Variants in GTF3C6 observed in about 807,000 individuals in gnomAD.
GTF3C6 encodes the protein general transcription factor 3C polypeptide 6.
Under a neutral mutation model 19.2 loss-of-function variants are expected in GTF3C6, and 11 were observed. The observed-to-expected ratio is 0.57, with a 90% CI of 0.36 to 0.95. The LOEUF (loss-of-function observed/expected upper bound fraction) is 0.95. Ranked by LOEUF, GTF3C6 falls within the 40% of genes least tolerant of loss-of-function variation. The probability of loss-of-function intolerance (pLI) is 0.01; values close to 1 mark genes in which losing one functional copy is unlikely to be tolerated. For missense variants in GTF3C6, 222 were observed against 254.7 expected (o/e 0.87, Z 0.87); for synonymous variants, 87 against 84.2 (o/e 1.03, Z -0.18).
At chr6:110,961,051 AAAAC>A (rs1044718193) in intron 4 of GTF3C6, among the ~76,000 whole-genome samples, 22 of 152,138 alleles carry the variant, frequency 1.4e-4, no homozygotes, top group South Asian at 6.2e-4. Context: ...CTGTGTCTCA[AAAAC>A]AAACAAAAGA....
Position 110,958,907 on chromosome 6 carries a change from A to C in GTF3C6, c.57+81A>C. 3.4e-6 allele frequency: 5 copies of C among 1,452,708 alleles called. No homozygotes were observed. In the South Asian group the frequency reaches 5.1e-5, roughly 15 times the overall value. 90.0% of individuals were successfully genotyped at this position (1,452,708 alleles called of 1,614,324 possible). A position where few individuals can be genotyped will look rare whatever the true frequency, so the allele number is the denominator to read the frequency against. The stretch of plus-strand genomic sequence containing the variant: ...CTGTGTGTGGGGAAGGGAGTTGGGG[A>C]GCTGCGGGCCGGAGGGAGGCCCCAC... On this transcript the variant is annotated intron_variant, in intron 1 of 5. Transcript: ENST00000329970.
intron 5 of GTF3C6, among the ~76,000 whole-genome samples, chr6:110,967,042 A>T (rs1771238632): frequency 6.6e-6 from 1 of 151,914 alleles, no homozygotes; most frequent in Non-Finnish European, 1.5e-5. Flanking sequence ...AATCCCAGCT[A>T]CTCGGGGGGC....
intron 5 of GTF3C6, among the ~76,000 whole-genome samples, chr6:110,965,484 T>C (rs1167462635): frequency 5.3e-5 from 8 of 152,224 alleles, no homozygotes; most frequent in African/African-American, 1.9e-4. Flanking sequence ...TGAAGGTACA[T>C]TGATCTTATA....
chr6:110,964,239 T>C lies in GTF3C6; in HGVS notation c.361+1734T>C, dbSNP rs796533154. Among the ~76,000 whole-genome samples, 7 of 152,092 alleles carry C rather than the reference T, an allele frequency of 4.6e-5. No individual in the cohort carries two copies. In the East Asian group the frequency reaches 1.2e-3, roughly 25 times the overall value. The stretch of plus-strand genomic sequence containing the variant: ...CCACCATGCCTGGCTATTTCTTTTT[T>C]TTGTTTTTGTTTTCTTTTTTTTTGA... On this transcript the variant is annotated intron_variant, in intron 5 of 5. Transcript: ENST00000329970.
In GTF3C6 at chr6:110,958,732, G is replaced by C. The variant is rs1447217639; in HGVS notation, c.-38G>C. The C allele has an allele frequency of 6.5e-7, 1 of 1,549,342 alleles. No homozygotes were observed. The highest frequency in any genetic ancestry group is 1.4e-5 in the African/African-American group (1 of 73,046). ...TACTCAAGATGGCGGCTCCGGGCGG[G>C]CGTGGCCAGTGACTAGAAGGCGAGG... is the stretch of plus-strand genomic sequence containing the variant. On this transcript the variant is annotated 5_prime_UTR_variant, in exon 1 of 6. Coordinates refer to ENST00000329970, the MANE Select transcript of GTF3C6 (RefSeq NM_138408.4).
intron 5 of GTF3C6, 26 bp downstream of exon 5, chr6:110,962,531 A>C (rs1359768585): frequency 8.2e-7 from 1 of 1,225,662 alleles, no homozygotes; most frequent in Non-Finnish European, 1.2e-6. Flanking sequence ...CTCTGAAAAC[A>C]GGTGATCCAG....
chr6:110,962,902 C>A (rs562067788), intron 5 of GTF3C6, among the ~76,000 whole-genome samples: 15 of 152,196 alleles, frequency 9.9e-5, no homozygotes, highest in African/African-American at 3.4e-4. Flanking sequence ...CCTCAGCCTC[C>A]GGAGTAGCTG....
At position 110,960,634 on chromosome 6, in the gene GTF3C6, C is replaced by T. The variant is rs370649585; in HGVS notation, c.247+18C>T. The T allele has an allele frequency of 2.5e-6, 4 of 1,596,520 alleles. No homozygotes were observed. The highest frequency in any genetic ancestry group is 3.4e-6 in the Non-Finnish European group (4 of 1,164,296). On this transcript the variant is annotated intron_variant, in intron 4 of 5. Transcript: ENST00000329970. Reference sequence around the variant, plus strand: ...TGAACATGGTAAGTGATTGCTAGCCCAGCCCTTTTTAATACGAACTATTTC... The same window carrying T: ...TGAACATGGTAAGTGATTGCTAGCCTAGCCCTTTTTAATACGAACTATTTC...
rs1287268317 is a variant in GTF3C6 at position 110,967,464 on chromosome 6, A to G, written c.362-46A>G. 12 of 1,518,350 alleles carry G rather than the reference A, an allele frequency of 7.9e-6. No homozygotes were observed. The African/African-American group carries it at 1.3e-4, about 16-fold the overall frequency. The allele number at this position is 1,518,350 out of a possible 1,614,324, so 94.1% of individuals were successfully genotyped here. A position where few individuals can be genotyped will look rare whatever the true frequency, so the allele number is the denominator to read the frequency against. On this transcript the variant is annotated intron_variant, in intron 5 of 5. Coordinates refer to ENST00000329970, the MANE Select transcript of GTF3C6 (RefSeq NM_138408.4). ...ATTAAAGAAAAATATACTAAAATTC[A>G]TTTTTTGTTTCTTTTTTTGTTTATT...
Position 110,959,263 on chromosome 6 carries a change from T to C in GTF3C6, c.138+11T>C. ...AAATGCAAGGTTTTGGTGAGTTTTC[T>C]AGACTTGGGGGGATTGTTCTAGAGT... On this transcript the variant is annotated intron_variant, in intron 2 of 5. Coordinates refer to ENST00000329970, the MANE Select transcript of GTF3C6 (RefSeq NM_138408.4). 6.5e-7 allele frequency: 1 copy of C among 1,538,366 alleles called. No individual in the cohort carries two copies. The highest frequency in any genetic ancestry group is 9.0e-7 in the Non-Finnish European group (1 of 1,112,750).
chr6:110,967,639 A>T lies in GTF3C6; in HGVS notation c.491A>T (p.Glu164Val). The change falls in exon 6 of 6, where the codon GAA (glutamate) becomes GTA (valine). Residue 164 changes from glutamate (E) to valine (V), a missense_variant. Coordinates refer to ENST00000329970, the MANE Select transcript of GTF3C6 (RefSeq NM_138408.4). The part of the protein sequence containing the change: ...ASAPDKSLEL[E>V]EEEIQMNDSS... ...GCCCCAGATAAATCTTTGGAATTGG[A>T]AGAGGAAGAGATTCAAATGAACGAC... 1 of 1,614,118 alleles carries T rather than the reference A, an allele frequency of 6.2e-7. No homozygotes were observed. Among genetic ancestry groups the T allele is most frequent in the East Asian group, 2.2e-5 (1 of 44,866 alleles).
intron 3 of GTF3C6, 40 bp downstream of exon 3, chr6:110,960,517 G>A: frequency 6.2e-7 from 1 of 1,609,380 alleles, no homozygotes; most frequent in Non-Finnish European, 8.5e-7. Context: ...TTCTGATATG[G>A]GCTTTTCAGA....
At chr6:110,959,961 T>TAA (rs377251086) in intron 2 of GTF3C6, among the ~76,000 whole-genome samples, 1 of 93,114 alleles carries the variant, frequency 1.1e-5, no homozygotes, top group Admixed American at 9.4e-5. Context: ...TCCATCTCAA[T>TAA]AAAAAAAAAA....
chr6:110,960,688 A>C, intron 4 of GTF3C6, 72 bp downstream of exon 4: 286 of 1,085,040 alleles, frequency 2.6e-4, no homozygotes, highest in Non-Finnish European at 3.8e-4. Flanking sequence ...TAAATATCTC[A>C]TGTATCCACT....
rs545172230 is a variant in GTF3C6, at chr6:110,962,622, TCAGA to T, written c.361+121_361+124del. On this transcript the variant is annotated intron_variant, in intron 5 of 5. Transcript: ENST00000329970. The stretch of plus-strand genomic sequence containing the variant: ...ATAACTATACATGATTTTTGTTTTT[TCAGA>T]CAGTCTTGCTCTGTCACCCAGGCTG... The T allele has an allele frequency of 1.5e-4, 93 of 618,574 alleles. No homozygotes were observed. In the African/African-American group the frequency reaches 1.6e-3, roughly 10 times the overall value. 38.3% of individuals were successfully genotyped at this position (618,574 alleles called of 1,614,324 possible).
intron 2 of GTF3C6, among the ~76,000 whole-genome samples, chr6:110,959,961 TAAAAA>T (rs377251086): frequency 5.4e-5 from 5 of 93,120 alleles, no homozygotes; most frequent in African/African-American, 1.5e-4. Context: ...TCCATCTCAA[TAAAAA>T]AAAAAAATAA....
In GTF3C6 at chr6:110,960,552, GC is replaced by G; in HGVS notation, c.203-18del. The G allele has an allele frequency of 6.2e-7, 1 of 1,613,112 alleles. No homozygotes were observed. The highest frequency in any genetic ancestry group is 8.5e-7 in the Non-Finnish European group (1 of 1,179,254). Reference sequence around the variant, plus strand: ...AGATGGTAGCTCTTCTCAACAATTTGCCTTTGTATTTTTCTGCAGACACTCT... The same window carrying G: ...AGATGGTAGCTCTTCTCAACAATTTGCTTTGTATTTTTCTGCAGACACTCT... On this transcript the variant is annotated intron_variant, in intron 3 of 5. Transcript: ENST00000329970.
At chr6:110,959,056 C>G (rs368684821) in intron 1 of GTF3C6, 116 bp from the exon 2 acceptor site, 36 of 889,868 alleles carry the variant, frequency 4.0e-5, no homozygotes, top group African/African-American at 6.7e-5. Context: ...GCGTAGTTTC[C>G]TCTTGCTGAA....
chr6:110,962,522 T>G lies in GTF3C6; in HGVS notation c.361+17T>G. ...AAAACATAGGTTAGTTCCATTATTC[T>G]CTGAAAACAGGTGATCCAGTACTGG... On this transcript the variant is annotated intron_variant, in intron 5 of 5. Coordinates refer to ENST00000329970, the MANE Select transcript of GTF3C6 (RefSeq NM_138408.4). 1 of 1,351,592 alleles carries G rather than the reference T, an allele frequency of 7.4e-7. No individual in the cohort carries two copies. The highest frequency in any genetic ancestry group is 1.1e-6 in the Non-Finnish European group (1 of 943,398). The allele number at this position is 1,351,592 out of a possible 1,614,324, so 83.7% of individuals were successfully genotyped here. A position where few individuals can be genotyped will look rare whatever the true frequency, so the allele number is the denominator to read the frequency against.
Sources: allele counts gnomAD v4.1 joint callset (sites outside exome capture counted in the v4.1 genomes callset), GRCh38; gene constraint gnomAD v4.1.1; transcripts MANE v1.5; gene names NCBI Gene and HGNC (gene_info 2026-07-23, HGNC 2026-07-21).